RAB38: variants seen among roughly 807,000 people sequenced by gnomAD.
RAB38 encodes ras-related protein Rab-38.
Under a neutral mutation model 18.4 loss-of-function variants are expected in RAB38, and 15 were observed. That is an observed-to-expected ratio of 0.82 (90% CI 0.55 to 1.26). RAB38 has a LOEUF of 1.26. RAB38 is among the 50% of genes most tolerant of loss of function. The probability of loss-of-function intolerance (pLI) is 0.00; values close to 1 mark genes in which losing one functional copy is unlikely to be tolerated. For missense variants in RAB38, 294 were observed against 267.4 expected (o/e 1.10, Z -0.69); for synonymous variants, 101 against 104.4 (o/e 0.97, Z 0.20).
chr11:87,844,635 T>A, the RAB38 span, among the ~76,000 whole-genome samples: 16 of 152,216 alleles, frequency 1.1e-4, no homozygotes, highest in African/African-American at 3.9e-4. Flanking sequence ...GTAGGCCTTA[T>A]TAACTTTCTT....
chr11:87,812,200 A>AT, the RAB38 span, among the ~76,000 whole-genome samples: 18 of 152,340 alleles, frequency 1.2e-4, no homozygotes, highest in African/African-American at 3.8e-4. Context: ...TAAAATGAAT[A>AT]GATATGACCT....
the RAB38 span, among the ~76,000 whole-genome samples, chr11:88,102,052 G>C: frequency 5.3e-5 from 8 of 151,910 alleles, 1 homozygote; most frequent in Admixed American, 3.9e-4. Flanking sequence ...GACTGTGCCA[G>C]GCACAGAGTG....
chr11:87,819,751 CGTGTATGTATATATATGTGTATATAT>C, the RAB38 span, among the ~76,000 whole-genome samples: 1 of 5,562 alleles, frequency 1.8e-4, no homozygotes, highest in Non-Finnish European at 3.5e-4. Context: ...TATATATATA[CGTGTATGTATATATATGTGTATATAT>C]ATATATGTAT....
At chr11:88,061,046 G>C in the RAB38 span, among the ~76,000 whole-genome samples, 1 of 152,196 alleles carries the variant, frequency 6.6e-6, no homozygotes, top group African/African-American at 2.4e-5. Flanking sequence ...ATGAACTGCT[G>C]TCCCTTTGCT....
chr11:87,886,399 G>A, the RAB38 span, among the ~76,000 whole-genome samples: 3 of 151,958 alleles, frequency 2.0e-5, no homozygotes, highest in South Asian at 4.2e-4. Flanking sequence ...CTCCCCTGGT[G>A]AGCCTGCACG....
the RAB38 span, among the ~76,000 whole-genome samples, chr11:88,031,601 C>A: frequency 2.0e-4 from 30 of 151,716 alleles, no homozygotes; most frequent in African/African-American, 7.0e-4. Flanking sequence ...AAACAGAGAG[C>A]CAAATCATGA....
At chr11:87,805,740 C>T in the RAB38 span, among the ~76,000 whole-genome samples, 1 of 151,728 alleles carries the variant, frequency 6.6e-6, no homozygotes, top group Non-Finnish European at 1.5e-5. Flanking sequence ...CACACACATA[C>T]ATATATACAC....
chr11:87,838,159 G>A, the RAB38 span, among the ~76,000 whole-genome samples: 1 of 151,128 alleles, frequency 6.6e-6, no homozygotes, highest in South Asian at 2.1e-4. Context: ...CTGTCTCCCA[G>A]GTTGGAGTGC....
the RAB38 span, among the ~76,000 whole-genome samples, chr11:88,056,819 AAATAAAT>A: frequency 9.5e-6 from 1 of 105,398 alleles, no homozygotes; most frequent in African/African-American, 2.8e-5. Context: ...ATAAATAAAT[AAATAAAT>A]AAATAAATAC....
chr11:88,134,888 C>T (rs976385909), intron 2 of RAB38, among the ~76,000 whole-genome samples: 7 of 152,130 alleles, frequency 4.6e-5, no homozygotes, highest in African/African-American at 1.7e-4. Flanking sequence ...TATCTAAAAA[C>T]TCAACAGGAC....
the RAB38 span, among the ~76,000 whole-genome samples, chr11:87,967,839 A>G: frequency 6.6e-6 from 1 of 152,162 alleles, no homozygotes; most frequent in African/African-American, 2.4e-5. Context: ...AAGTCTGCCC[A>G]GTCTTTCAAT....
At chr11:87,907,062 G>C in the RAB38 span, among the ~76,000 whole-genome samples, 2 of 151,866 alleles carry the variant, frequency 1.3e-5, no homozygotes, top group Admixed American at 6.6e-5. Context: ...GTGTGAACAT[G>C]ACTAGGTAAG....
chr11:88,127,086 A>G (rs565880302), intron 2 of RAB38, among the ~76,000 whole-genome samples: 7 of 152,326 alleles, frequency 4.6e-5, no homozygotes, highest in Admixed American at 3.3e-4. Context: ...TGGCTAAATG[A>G]TTTTAGATGT....
the RAB38 span, among the ~76,000 whole-genome samples, chr11:87,943,497 T>C: frequency 6.6e-6 from 1 of 152,148 alleles, no homozygotes; most frequent in African/African-American, 2.4e-5. Context: ...GCCGTGGTTT[T>C]GTGCAAAGCT....
At chr11:88,046,053 CT>C in the RAB38 span, among the ~76,000 whole-genome samples, 1 of 152,102 alleles carries the variant, frequency 6.6e-6, no homozygotes, top group Non-Finnish European at 1.5e-5. Flanking sequence ...ACATTTTCCC[CT>C]TGTATCTCCC....
the RAB38 span, among the ~76,000 whole-genome samples, chr11:87,840,339 G>C: frequency 9.2e-5 from 14 of 152,216 alleles, no homozygotes; most frequent in African/African-American, 2.7e-4. Flanking sequence ...TTGGATTTCA[G>C]AGTAAGCAAA....
At chr11:87,976,608 T>TATTTTACATTATATA in the RAB38 span, among the ~76,000 whole-genome samples, 2 of 103,138 alleles carry the variant, frequency 1.9e-5, no homozygotes, top group African/African-American at 4.0e-5. Context: ...TATAAATACA[T>TATTTTACATTATATA]ATTTTACATG....
At chr11:87,896,128 CG>C in the RAB38 span, among the ~76,000 whole-genome samples, 1 of 151,626 alleles carries the variant, frequency 6.6e-6, no homozygotes, top group African/African-American at 2.4e-5. Flanking sequence ...TCATTAGTAA[CG>C]TAAAAGGGAA....
chr11:87,974,187 C>A, the RAB38 span, among the ~76,000 whole-genome samples: 2 of 149,952 alleles, frequency 1.3e-5, no homozygotes, highest in Non-Finnish European at 2.9e-5. Context: ...TTAGAATTTG[C>A]AGAAAATGAA....
Sources: gnomAD v4.1 joint callset for allele counts (sites outside exome capture counted in the v4.1 genomes callset) on GRCh38, gnomAD v4.1.1 for gene constraint, MANE v1.5 for transcripts, NCBI Gene and HGNC (gene_info 2026-07-23, HGNC 2026-07-21) for gene names.